GUCY1A2: variants seen among roughly 807,000 people sequenced by gnomAD.
GUCY1A2 encodes the protein guanylate cyclase soluble subunit alpha-2.
In GUCY1A2, 27 loss-of-function variants were observed where a neutral mutation model predicts 63.5. The ratio of observed to expected loss-of-function variants is 0.43; its 90% CI spans 0.31 to 0.59. The LOEUF (loss-of-function observed/expected upper bound fraction) is 0.59. Among genes scored for constraint, GUCY1A2 ranks in the 20% least tolerant of loss-of-function variants. The pLI is 0.11. For synonymous variants in GUCY1A2, 364 were observed against 343.5 expected (o/e 1.06, Z -0.66); for missense variants, 768 against 913.3 (o/e 0.84, Z 2.05).
At chr11:106,829,368 G>T (rs1859021119) in intron 4 of GUCY1A2, among the ~76,000 whole-genome samples, 1 of 152,146 alleles carries the variant, frequency 6.6e-6, no homozygotes, top group Non-Finnish European at 1.5e-5. Flanking sequence ...AAGATGAAAA[G>T]AGTGAGACTT....
intron 3 of GUCY1A2, among the ~76,000 whole-genome samples, chr11:106,947,779 C>T (rs1478615906): frequency 1.3e-5 from 2 of 151,908 alleles, no homozygotes; most frequent in Non-Finnish European, 2.9e-5. Flanking sequence ...AAAAAGGAGC[C>T]TGCATCATAC....
chr11:106,677,383 A>G lies in GUCY1A2; in HGVS notation c.*10166T>C, dbSNP rs187907112. ...CTGATTCAAGCTGTCACCACACTTG[A>G]TATTTGGACTCTTGCATGGTTTCTC... On this transcript the variant is annotated 3_prime_UTR_variant, in exon 8 of 8. Transcript: ENST00000526355. 16 of 211,094 alleles carry G rather than the reference A, an allele frequency of 7.6e-5. No individual in the cohort carries two copies. The East Asian group carries it at 8.5e-4, about 11-fold the overall frequency. 13.1% of individuals were successfully genotyped at this position (211,094 alleles called of 1,614,324 possible). A position where few individuals can be genotyped will look rare whatever the true frequency, so the allele number is the denominator to read the frequency against.
chr11:106,969,005 G>A (rs1407925507), intron 3 of GUCY1A2, among the ~76,000 whole-genome samples: 5 of 152,060 alleles, frequency 3.3e-5, no homozygotes, highest in African/African-American at 1.2e-4. Flanking sequence ...AGAGTCCATA[G>A]CTACCCTGAT....
chr11:106,849,651 T>G (rs1859324271), intron 4 of GUCY1A2, among the ~76,000 whole-genome samples: 1 of 151,674 alleles, frequency 6.6e-6, no homozygotes, highest in African/African-American at 2.4e-5. Flanking sequence ...TCTGTTTGTA[T>G]AAATGTTTCA....
chr11:106,961,713 T>C (rs560923985), intron 3 of GUCY1A2, among the ~76,000 whole-genome samples: 8 of 152,310 alleles, frequency 5.3e-5, no homozygotes, highest in African/African-American at 1.9e-4. Flanking sequence ...TTCCTAGCCT[T>C]GCCAGTATAT....
At chr11:106,719,781 C>T (rs992401174) in intron 6 of GUCY1A2, among the ~76,000 whole-genome samples, 3 of 152,112 alleles carry the variant, frequency 2.0e-5, no homozygotes, top group African/African-American at 7.2e-5. Context: ...GGATTTTTAA[C>T]CCTCCCTAGG....
At chr11:106,730,233 A>G (rs1863479709) in intron 6 of GUCY1A2, among the ~76,000 whole-genome samples, 1 of 151,532 alleles carries the variant, frequency 6.6e-6, no homozygotes, top group Non-Finnish European at 1.5e-5. Context: ...TAACAAGCAT[A>G]GTACCTGATA....
intron 4 of GUCY1A2, among the ~76,000 whole-genome samples, chr11:106,878,921 C>T (rs1206493087): frequency 6.6e-6 from 1 of 151,840 alleles, no homozygotes; most frequent in Non-Finnish European, 1.5e-5. Flanking sequence ...ACCTACAGAA[C>T]AATAAGATAA....
intron 6 of GUCY1A2, among the ~76,000 whole-genome samples, chr11:106,748,553 T>C (rs972978856): frequency 6.6e-6 from 1 of 152,196 alleles, no homozygotes; most frequent in Non-Finnish European, 1.5e-5. Context: ...ATGTTCTTTA[T>C]CCATTTGCAG....
At chr11:106,965,312 C>G (rs560117990) in intron 3 of GUCY1A2, among the ~76,000 whole-genome samples, 6 of 151,960 alleles carry the variant, frequency 3.9e-5, no homozygotes, top group Non-Finnish European at 8.8e-5. Context: ...ATAATAATAC[C>G]TAATTATAGA....
At chr11:106,700,502 AC>A (rs1241649154) in intron 7 of GUCY1A2, among the ~76,000 whole-genome samples, 2 of 152,164 alleles carry the variant, frequency 1.3e-5, no homozygotes, top group East Asian at 1.9e-4. Flanking sequence ...GCTAGATATG[AC>A]TTTTATTGGC....
At chr11:106,853,174 A>G (rs1315977777) in intron 4 of GUCY1A2, among the ~76,000 whole-genome samples, 1 of 152,166 alleles carries the variant, frequency 6.6e-6, no homozygotes, top group Non-Finnish European at 1.5e-5. Flanking sequence ...CTGGATGTCT[A>G]TATCTTCCAA....
chr11:107,000,212 C>A (rs930289775), intron 1 of GUCY1A2, among the ~76,000 whole-genome samples: 5 of 152,148 alleles, frequency 3.3e-5, no homozygotes, highest in African/African-American at 9.7e-5. Context: ...AATAAGTTAA[C>A]ACAGAAAAAG....
chr11:106,723,566 T>C (rs1292662309), intron 6 of GUCY1A2, among the ~76,000 whole-genome samples: 2 of 152,236 alleles, frequency 1.3e-5, no homozygotes, highest in African/African-American at 4.8e-5. Context: ...GGCTCACGCC[T>C]GTAATCCCAT....
chr11:106,786,516 A>G (rs370034936), intron 5 of GUCY1A2, among the ~76,000 whole-genome samples: 1 of 152,220 alleles, frequency 6.6e-6, no homozygotes, highest in East Asian at 1.9e-4. Context: ...TTCAATGTGC[A>G]TTCCAATTCC....
In GUCY1A2 at chr11:106,980,959, T is replaced by A. The variant is rs538798969; in HGVS notation, c.366-2219A>T. On this transcript the variant is annotated intron_variant, in intron 2 of 7. Coordinates refer to ENST00000526355, the MANE Select transcript of GUCY1A2 (RefSeq NM_000855.3). ...AAGTACTTTTTTCTCTCAACCTCAA[T>A]TTCCTCATCTGTAAAATGTGCTTAA... is the stretch of plus-strand genomic sequence containing the variant. Among the ~76,000 whole-genome samples the A allele has an allele frequency of 8.7e-4, 132 of 152,300 alleles. No individual in the cohort carries two copies. The Middle Eastern group carries it at 0.017, about 20-fold the overall frequency.
At chr11:106,918,249 T>TG (rs1200092889) in intron 4 of GUCY1A2, among the ~76,000 whole-genome samples, 1 of 144,628 alleles carries the variant, frequency 6.9e-6, no homozygotes, top group African/African-American at 2.5e-5. Context: ...GTTCTCTCCT[T>TG]GAAAAAAAAT....
intron 4 of GUCY1A2, among the ~76,000 whole-genome samples, chr11:106,825,929 G>A (rs561189074): frequency 9.9e-4 from 151 of 152,208 alleles, no homozygotes; most frequent in African/African-American, 3.4e-3. Flanking sequence ...CAAAAAAGGA[G>A]TAAGTCATCA....
At chr11:106,888,196 C>T (rs1449860962) in intron 4 of GUCY1A2, among the ~76,000 whole-genome samples, 2 of 152,108 alleles carry the variant, frequency 1.3e-5, no homozygotes, top group Non-Finnish European at 1.5e-5. Context: ...CGGTGGCTCA[C>T]GCCTGTAATC....
Sources: gnomAD v4.1 joint callset for allele counts (sites outside exome capture counted in the v4.1 genomes callset) on GRCh38, gnomAD v4.1.1 for gene constraint, MANE v1.5 for transcripts, NCBI Gene and HGNC (gene_info 2026-07-23, HGNC 2026-07-21) for gene names.